The following DAB2IP variants were observed in gnomAD, a reference collection of about 807,000 sequenced individuals.
DAB2IP encodes DAB2 interacting protein.
DAB2IP carries 28 observed loss-of-function variants against 107.2 expected under a neutral mutation model. The ratio of observed to expected loss-of-function variants is 0.26; its 90% CI spans 0.19 to 0.36. The LOEUF (loss-of-function observed/expected upper bound fraction) is 0.36, where lower values mean the gene tolerates loss of function less well. Among genes scored for constraint, DAB2IP ranks in the 10% least tolerant of loss-of-function variants. The probability of loss-of-function intolerance (pLI) is 1.00; values close to 1 mark genes in which losing one functional copy is unlikely to be tolerated. For missense variants in DAB2IP, 1,400 were observed against 1,644.7 expected, an observed-to-expected ratio of 0.85 and a Z score of 2.57; for synonymous variants, 755 against 706.4, an observed-to-expected ratio of 1.07 and a Z score of -1.09.
At chr9:121,723,527 C>T (rs145850594) in intron 3 of DAB2IP, among the ~76,000 whole-genome samples, 2 of 152,334 alleles carry the variant, frequency 1.3e-5, no homozygotes, top group African/African-American at 2.4e-5. Context: ...GGTCTGGGCT[C>T]AGGGGAGCCC....
chr9:121,584,877 C>T (rs1830278716), intron 1 of DAB2IP, among the ~76,000 whole-genome samples: 1 of 151,988 alleles, frequency 6.6e-6, no homozygotes, highest in Non-Finnish European at 1.5e-5. Context: ...CAAGGCAGCA[C>T]TAGGTTTATT....
chr9:121,712,965 A>G (rs2118784874), intron 3 of DAB2IP, among the ~76,000 whole-genome samples: 1 of 152,316 alleles, frequency 6.6e-6, no homozygotes, highest in East Asian at 1.9e-4. Flanking sequence ...GCACATCTCC[A>G]GCAATGGGGA....
chr9:121,756,015 A>G (rs1475420878), intron 3 of DAB2IP, among the ~76,000 whole-genome samples: 1 of 151,944 alleles, frequency 6.6e-6, no homozygotes, highest in Non-Finnish European at 1.5e-5. Flanking sequence ...TTTTTCACCA[A>G]CCCCAGGGTT....
chr9:121,667,483 T>C (rs1195954531), intron 1 of DAB2IP, among the ~76,000 whole-genome samples: 1 of 152,104 alleles, frequency 6.6e-6, no homozygotes, highest in Non-Finnish European at 1.5e-5. Flanking sequence ...TGATCCACTT[T>C]TTCTTTCTTT....
rs112730093 is a variant in DAB2IP, at chr9:121,713,150, G to A, written c.362+13692G>A. Reference sequence around the variant, plus strand: ...AGGGATTATTCCATTTTATAGATAAGGTAACTGAGGCCCAGAGCGGGTAAT... The same window carrying A: ...AGGGATTATTCCATTTTATAGATAAAGTAACTGAGGCCCAGAGCGGGTAAT... On this transcript the variant is annotated intron_variant, in intron 3 of 15. Transcript: ENST00000408936. Among the ~76,000 whole-genome samples the A allele has an allele frequency of 7.5e-4, 114 of 152,260 alleles. 1 individual carries two copies. Among genetic ancestry groups the A allele is most frequent in the Non-Finnish European group, 1.5e-3 (102 of 68,006 alleles).
intron 2 of DAB2IP, among the ~76,000 whole-genome samples, chr9:121,682,046 G>T (rs1252639149): frequency 6.6e-6 from 1 of 152,210 alleles, no homozygotes; most frequent in Non-Finnish European, 1.5e-5. Flanking sequence ...AGTACAGGCA[G>T]AGGACAAGGT....
At chr9:121,775,508 C>T (rs915191697) in intron 13 of DAB2IP, among the ~76,000 whole-genome samples, 1 of 152,196 alleles carries the variant, frequency 6.6e-6, no homozygotes, top group Admixed American at 6.5e-5. Flanking sequence ...GCGTCTGGCC[C>T]CTCTCGATCC....
chr9:121,635,047 T>C lies in DAB2IP; in HGVS notation c.41-43631T>C, dbSNP rs2119023291. 6.6e-6 allele frequency among the ~76,000 whole-genome samples: 1 copy of C among 152,202 alleles called. No homozygotes were observed. The highest frequency in any genetic ancestry group is 2.1e-4 in the South Asian group (1 of 4,822). ...GTGTGTGTGCGCGTGCGTGTGTATGTGTGTGTGCATGTGCGTGTATGTCTA... is the reference window on the plus strand; with the variant it reads ...GTGTGTGTGCGCGTGCGTGTGTATGCGTGTGTGCATGTGCGTGTATGTCTA... On this transcript the variant is annotated intron_variant, in intron 1 of 16. Transcript: ENST00000259371. The surrounding 1 kb of genome is among the most constrained non-coding windows in gnomAD (Gnocchi z 4.3).
chr9:121,603,650 C>T lies in DAB2IP; in HGVS notation c.40+36422C>T, dbSNP rs569843863. On this transcript the variant is annotated intron_variant, in intron 1 of 16. Coordinates refer to the DAB2IP transcript ENST00000259371. ...TGTGGCTTTGGTGCCAGAGCCCTCA[C>T]CTGGAAGCTTGAAGACCTGGGCCAC... Among the ~76,000 whole-genome samples the T allele has an allele frequency of 3.3e-5, 5 of 152,244 alleles. No homozygotes were observed. The East Asian group carries it at 7.7e-4, about 24-fold the overall frequency.
rs1219174730 is a variant in DAB2IP at position 121,599,792 on chromosome 9, G to A, written c.40+32564G>A. On this transcript the variant is annotated intron_variant, in intron 1 of 16. Coordinates refer to the DAB2IP transcript ENST00000259371. This position sits in a 1 kb window ranked among gnomAD's most constrained non-coding sequence, Gnocchi z 6.9. ...GTAAAAGCTGGGGGCCGCGGCTCAG[G>A]TGGAGGGGGGCTCGGTGGTTTGCCG... 6.6e-6 allele frequency among the ~76,000 whole-genome samples: 1 copy of A among 152,118 alleles called. No homozygotes were observed. The highest frequency in any genetic ancestry group is 2.4e-5 in the African/African-American group (1 of 41,436).
At chr9:121,631,617 A>C (rs1335498259) in intron 1 of DAB2IP, among the ~76,000 whole-genome samples, 2 of 152,058 alleles carry the variant, frequency 1.3e-5, no homozygotes, top group Non-Finnish European at 2.9e-5. Flanking sequence ...AGAGATCGAG[A>C]CCATCCTGGC....
chr9:121,620,105 A>C (rs901197009), intron 1 of DAB2IP, among the ~76,000 whole-genome samples: 4 of 152,208 alleles, frequency 2.6e-5, no homozygotes, highest in Non-Finnish European at 4.4e-5. Flanking sequence ...TCCTGAAGGC[A>C]GAACAAGAAC....
At chr9:121,659,009 A>G (rs1178813285) in intron 1 of DAB2IP, among the ~76,000 whole-genome samples, 4 of 152,084 alleles carry the variant, frequency 2.6e-5, no homozygotes, top group Admixed American at 2.6e-4. Flanking sequence ...GGGCTGTGCT[A>G]TTTCTTTTTC....
chr9:121,773,470 T>C (rs1187152046), exon 12 of DAB2IP: 1 of 1,517,134 alleles, frequency 6.6e-7, no homozygotes, highest in African/African-American at 1.4e-5. Flanking sequence ...AGCCCAGAAC[T>C]GAAGCCACGG....
rs943970697 is a variant in DAB2IP, at chr9:121,698,939, G to A, written c.229-386G>A. The stretch of plus-strand genomic sequence containing the variant: ...GGCAGGGAGGTGAGCGGGGCGGCCG[G>A]CCCTGGCGGTCCCCGGGGGTCTCCG... On this transcript the variant is annotated intron_variant, in intron 2 of 15. Coordinates refer to ENST00000408936, the Ensembl canonical transcript of DAB2IP. This position sits in a 1 kb window ranked among gnomAD's most constrained non-coding sequence, Gnocchi z 4.1. Among the ~76,000 whole-genome samples, 1 of 151,872 alleles carries A rather than the reference G, an allele frequency of 6.6e-6. No individual in the cohort carries two copies. The highest frequency in any genetic ancestry group is 2.4e-5 in the African/African-American group (1 of 41,404).
chr9:121,573,243 A>C (rs1258947681), intron 1 of DAB2IP, among the ~76,000 whole-genome samples: 1 of 151,708 alleles, frequency 6.6e-6, no homozygotes, highest in Non-Finnish European at 1.5e-5. Flanking sequence ...AGCCTGGCTA[A>C]TTTTGAATTT....
At position 121,772,759 on chromosome 9, in the gene DAB2IP, A is replaced by G; in HGVS notation, c.2231A>G (p.Lys744Arg). Residue 744 changes from lysine to arginine, a missense_variant, in exon 12 of 16, where the codon AAG becomes AGG. Around this residue, in one of 3 missense-constraint regions of DAB2IP, gnomAD observed 600 missense variants for 659.1 expected, o/e 0.91. Coordinates refer to ENST00000408936, the Ensembl canonical transcript of DAB2IP. This position sits in a 1 kb window ranked among gnomAD's most constrained non-coding sequence, Gnocchi z 4.7. ...GATCTTCAGATGGCCAACGGTGGCAAGAGCCTCTCCATGGTGGACCTCCAG... is the reference window on the plus strand; with the variant it reads ...GATCTTCAGATGGCCAACGGTGGCAGGAGCCTCTCCATGGTGGACCTCCAG... 6.2e-7 allele frequency: 1 copy of G among 1,613,880 alleles called. No individual in the cohort carries two copies. Among genetic ancestry groups the G allele is most frequent in the Non-Finnish European group, 8.5e-7 (1 of 1,179,984 alleles).
At chr9:121,620,757 T>C (rs1312910630) in intron 1 of DAB2IP, among the ~76,000 whole-genome samples, 1 of 152,120 alleles carries the variant, frequency 6.6e-6, no homozygotes, top group Non-Finnish European at 1.5e-5. Flanking sequence ...CGCTTGACCC[T>C]CTGAGGTCCT....
chr9:121,716,128 C>T (rs937091475), intron 3 of DAB2IP, among the ~76,000 whole-genome samples: 11 of 152,238 alleles, frequency 7.2e-5, no homozygotes, highest in Admixed American at 2.0e-4. Context: ...TTCTGAGACC[C>T]ACTCAAGTGT....
Sources: allele counts gnomAD v4.1 joint callset (sites outside exome capture counted in the v4.1 genomes callset), GRCh38; gene constraint gnomAD v4.1.1; regional missense constraint gnomAD v4.1.1; non-coding constraint Gnocchi (gnomAD v3.1); transcripts MANE v1.5; gene names NCBI Gene and HGNC (gene_info 2026-07-23, HGNC 2026-07-21).